RPL18A: variants seen among roughly 807,000 people sequenced by gnomAD.
The protein encoded by RPL18A is large ribosomal subunit protein eL20.
For synonymous variants in RPL18A, 122 were observed against 96.9 expected, an observed-to-expected ratio of 1.26 and a Z score of -1.52; for missense variants, 163 against 254.1, an observed-to-expected ratio of 0.64 and a Z score of 2.44.
chr19:17,861,788 T>G, intron 2 of RPL18A: 1 of 540,202 alleles, frequency 1.9e-6, no homozygotes. Flanking sequence ...ATCTGGTCAG[T>G]GGGTGGTAGC....
At chr19:17,862,530 G>A in intron 3 of RPL18A, 1 of 704,326 alleles carries the variant, frequency 1.4e-6, no homozygotes, top group Non-Finnish European at 2.6e-6. Flanking sequence ...AGTGTTGGGA[G>A]CTGGCACCTT....
In RPL18A at chr19:17,862,160, G is replaced by A. The variant is rs955238884; in HGVS notation, c.265G>A (p.Gly89Ser). 20 of 1,612,882 alleles carry A rather than the reference G, an allele frequency of 1.2e-5. No homozygotes were observed. The highest frequency in any genetic ancestry group is 2.7e-5 in the African/African-American group (2 of 74,878). Residue 89 changes from glycine to serine, a missense_variant, in exon 3 of 5, where the codon GGC (glycine) becomes AGC (serine). Coordinates refer to ENST00000222247, the MANE Select transcript of RPL18A (RefSeq NM_000980.4). ...CTGGCTGCGCTATGACTCCCGGAGC[G>A]GCACCCACAACATGTACCGGGAATA... ...GIWLRYDSRS[G>S]THNMYREYRD...
At chr19:17,862,839 T>C (rs1156820834) in intron 3 of RPL18A, 79 bp from the exon 4 acceptor site, 2 of 942,162 alleles carry the variant, frequency 2.1e-6, no homozygotes, top group East Asian at 2.4e-5. Flanking sequence ...TGTCAGGTCA[T>C]TGGGCAGGCA....
chr19:17,859,965 C>A lies in RPL18A; in HGVS notation c.9C>A (p.Ala3=), dbSNP rs777434217. MK[A]SGTLREYKVV... is the part of the protein sequence containing the mutation. ...AACGCGGAGAGCACGCCATGAAGGC[C>A]TCGGGCACGGTAAGGCGGGCGCGGC... The change falls in exon 1 of 5, where the codon GCC becomes GCA. Residue 3 remains alanine, a synonymous_variant. Coordinates refer to ENST00000222247, the MANE Select transcript of RPL18A (RefSeq NM_000980.4). The A allele has an allele frequency of 9.1e-6, 14 of 1,536,998 alleles. No homozygotes were observed. Among genetic ancestry groups the A allele is most frequent in the Non-Finnish European group, 1.1e-5 (13 of 1,142,886 alleles).
intron 4 of RPL18A, 60 bp downstream of exon 4, chr19:17,863,087 G>T (rs570536399): frequency 1.9e-6 from 3 of 1,548,180 alleles, no homozygotes; most frequent in African/African-American, 1.4e-5. Flanking sequence ...GGAGCCCAGT[G>T]GGGGGCGGCT....
At position 17,861,396 on chromosome 19, in the gene RPL18A, A is replaced by G. The variant is rs773327215; in HGVS notation, c.122A>G (p.Lys41Arg). 3.7e-6 allele frequency: 6 copies of G among 1,611,574 alleles called. No homozygotes were observed. The East Asian group carries it at 6.7e-5, about 18-fold the overall frequency. The change falls in exon 2 of 5, where the codon AAG (lysine) becomes AGG (arginine). Residue 41 changes from lysine to arginine, a missense_variant. Lys to Arg is a conservative substitution (Grantham distance 26). Transcript: ENST00000222247. ...RIFAPNHVVA[K>R]SRFWYFVSQL... ...TTTGCGCCTAATCATGTCGTCGCCA[A>G]GTCCCGCTTCTGGTACTTTGTATCT... is the stretch of plus-strand genomic sequence containing the variant.
chr19:17,861,538 T>G lies in RPL18A; in HGVS notation c.198+66T>G, dbSNP rs537439059. On this transcript the variant is annotated intron_variant, in intron 2 of 4. Coordinates refer to ENST00000222247, the MANE Select transcript of RPL18A (RefSeq NM_000980.4). Reference sequence around the variant, plus strand: ...TGCGCCTCTTGGGACATCGTGCATCTCAAGAATTAATCAGACATCGAACGG... The same window carrying G: ...TGCGCCTCTTGGGACATCGTGCATCGCAAGAATTAATCAGACATCGAACGG... 7 of 1,278,002 alleles carry G rather than the reference T, an allele frequency of 5.5e-6. No individual in the cohort carries two copies. In the African/African-American group the frequency reaches 1.0e-4, roughly 19 times the overall value. 79.2% of individuals were successfully genotyped at this position (1,278,002 alleles called of 1,614,324 possible).
intron 1 of RPL18A, 52 bp downstream of exon 1, chr19:17,860,026 TC>T: frequency 6.9e-7 from 1 of 1,456,172 alleles, no homozygotes; most frequent in South Asian, 1.4e-5. Flanking sequence ...ACGGGCCCCA[TC>T]AGGGGCCTGC....
intron 2 of RPL18A, chr19:17,861,789 G>A: frequency 1.8e-6 from 1 of 543,938 alleles, no homozygotes; most frequent in South Asian, 2.3e-5. Flanking sequence ...TCTGGTCAGT[G>A]GGTGGTAGCT....
intron 2 of RPL18A, chr19:17,861,834 T>G: frequency 1.8e-6 from 1 of 556,798 alleles, no homozygotes; most frequent in Non-Finnish European, 3.2e-6. Context: ...AGACTTGAGT[T>G]CAGGAACTGC....
In RPL18A at chr19:17,861,333, C is replaced by G; in HGVS notation, c.59C>G (p.Pro20Arg). ...YKVVGRCLPTPKCHTPPLYRM... is the reference protein window; with the variant it reads ...YKVVGRCLPTRKCHTPPLYRM... ...GTAGTGGGTCGCTGCCTGCCCACCCCCAAATGCCACACGCCGCCCCTCTAC... is the reference window on the plus strand; with the variant it reads ...GTAGTGGGTCGCTGCCTGCCCACCCGCAAATGCCACACGCCGCCCCTCTAC... The change falls in exon 2 of 5, where the codon CCC becomes CGC. Residue 20 changes from proline to arginine, a missense_variant. Pro to Arg is a moderately radical substitution (Grantham distance 103, BLOSUM62 -2). Coordinates refer to ENST00000222247, the MANE Select transcript of RPL18A (RefSeq NM_000980.4). The G allele has an allele frequency of 6.2e-7, 1 of 1,613,748 alleles. No individual in the cohort carries two copies. Among genetic ancestry groups the G allele is most frequent in the Non-Finnish European group, 8.5e-7 (1 of 1,179,796 alleles).
At chr19:17,862,881 G>A (rs766262008) in intron 3 of RPL18A, 37 bp from the exon 4 acceptor site, 11 of 1,441,970 alleles carry the variant, frequency 7.6e-6, no homozygotes, top group Non-Finnish European at 8.8e-6. Context: ...CCAGAGCCCA[G>A]GCAACACCGT....
At chr19:17,860,596 A>G (rs899467606) in intron 1 of RPL18A, among the ~76,000 whole-genome samples, 1 of 152,188 alleles carries the variant, frequency 6.6e-6, no homozygotes, top group Non-Finnish European at 1.5e-5. Context: ...TCACAGTAAA[A>G]GTAGGAACTG....
At chr19:17,860,284 C>T (rs867135001) in intron 1 of RPL18A, 1 of 431,362 alleles carries the variant, frequency 2.3e-6, no homozygotes, top group Admixed American at 4.6e-5. Flanking sequence ...CGCCAAGTTT[C>T]TGTTTTCCTT....
intron 1 of RPL18A, 104 bp downstream of exon 1, chr19:17,860,078 TG>T: frequency 9.2e-7 from 1 of 1,088,454 alleles, no homozygotes; most frequent in Non-Finnish European, 1.3e-6. Context: ...CGCTTCTGTT[TG>T]GGCCCCCCTT....
chr19:17,861,514 G>C, intron 2 of RPL18A, 42 bp downstream of exon 2: 1 of 1,479,502 alleles, frequency 6.8e-7, no homozygotes, highest in Non-Finnish European at 9.2e-7. Flanking sequence ...GAGTGGATTT[G>C]CGCCTCTTGG....
chr19:17,859,933 G>A lies in RPL18A; in HGVS notation c.-24G>A, dbSNP rs1195783662. On this transcript the variant is annotated 5_prime_UTR_variant, in exon 1 of 5. Transcript: ENST00000222247. ...ACAGAGGACACTTCCTTTTGCGGGT[G>A]GCGGCGAACGCGGAGAGCACGCCAT... The A allele has an allele frequency of 1.3e-6, 2 of 1,543,764 alleles. No homozygotes were observed. The highest frequency in any genetic ancestry group is 1.7e-6 in the Non-Finnish European group (2 of 1,145,596).
intron 3 of RPL18A, chr19:17,862,540 T>A (rs762377482): frequency 2.4e-5 from 17 of 699,926 alleles, no homozygotes; most frequent in Middle Eastern, 3.2e-4. Context: ...GCTGGCACCT[T>A]TTCCCTGGCT....
intron 1 of RPL18A, 47 bp from the exon 2 acceptor site, chr19:17,861,246 A>G (rs1364338842): frequency 7.6e-6 from 12 of 1,568,664 alleles, no homozygotes; most frequent in African/African-American, 1.4e-5. Flanking sequence ...GGATCTCCAC[A>G]GTTGCCTCTG....
Sources: allele counts gnomAD v4.1 joint callset (sites outside exome capture counted in the v4.1 genomes callset), GRCh38; gene constraint gnomAD v4.1.1; transcripts MANE v1.5; gene names NCBI Gene and HGNC (gene_info 2026-07-23, HGNC 2026-07-21).